Variants in ATP6V1B1 observed in about 807,000 individuals in gnomAD.
ATP6V1B1 encodes V-type proton ATPase subunit B, kidney isoform.
ATP6V1B1 carries 41 observed loss-of-function variants against 62.1 expected under a neutral mutation model. The ratio of observed to expected loss-of-function variants is 0.66; its 90% CI spans 0.51 to 0.86. The LOEUF (loss-of-function observed/expected upper bound fraction) is 0.86, where lower values mean the gene tolerates loss of function less well. Among genes scored for constraint, ATP6V1B1 ranks in the 40% least tolerant of loss-of-function variants. The probability of loss-of-function intolerance (pLI) is 0.00; values close to 1 mark genes in which losing one functional copy is unlikely to be tolerated. For missense variants in ATP6V1B1, 651 were observed against 697.5 expected, an observed-to-expected ratio of 0.93 and a Z score of 0.75; for synonymous variants, 253 against 273.4, an observed-to-expected ratio of 0.93 and a Z score of 0.74.
intron 2 of ATP6V1B1, among the ~76,000 whole-genome samples, chr2:70,952,746 G>C (rs890872752): frequency 6.6e-6 from 1 of 152,082 alleles, no homozygotes; most frequent in Non-Finnish European, 1.5e-5. Context: ...TTGATCTATA[G>C]TTTTCCTTTT....
intron 1 of ATP6V1B1, chr2:70,938,796 G>A: frequency 7.1e-6 from 7 of 985,336 alleles, no homozygotes; most frequent in Non-Finnish European, 8.4e-6. Flanking sequence ...GGCTTGGAGG[G>A]TGGAGGTGCC....
chr2:70,944,801 T>C (rs1368359002), intron 2 of ATP6V1B1, among the ~76,000 whole-genome samples: 4 of 152,004 alleles, frequency 2.6e-5, no homozygotes, highest in Non-Finnish European at 4.4e-5. Context: ...CCCGAGTAGC[T>C]GGGACTACAG....
In ATP6V1B1 at chr2:70,963,532, G is replaced by C; in HGVS notation, c.1061-40G>C. 1 of 1,597,766 alleles carries C rather than the reference G, an allele frequency of 6.3e-7. No homozygotes were observed. Among genetic ancestry groups the C allele is most frequent in the Non-Finnish European group, 8.6e-7 (1 of 1,165,236 alleles). On this transcript the variant is annotated intron_variant, in intron 10 of 13. Transcript: ENST00000234396. This position sits in a 1 kb window ranked among gnomAD's most constrained non-coding sequence, Gnocchi z 4.3. Reference sequence around the variant, plus strand: ...GGTGGCCCTGAGTGGTTGGAGACCTGGGCCCCCACCCACACTGAGGCCAGT... The same window carrying C: ...GGTGGCCCTGAGTGGTTGGAGACCTCGGCCCCCACCCACACTGAGGCCAGT...
chr2:70,938,214 C>T (rs1679904884), intron 1 of ATP6V1B1, among the ~76,000 whole-genome samples: 6 of 152,160 alleles, frequency 3.9e-5, no homozygotes. Context: ...CAATCCCCTC[C>T]CCGCCTCACT....
Position 70,944,668 on chromosome 2 carries a change from CTT to C in ATP6V1B1, c.174+972_174+973del, listed in dbSNP as rs36039112. ...AGTGCCCTCAGCTTACAGGTCTTTT[CTT>C]TTTTTTTTTTTTTTTTGAGACGGAG... On this transcript the variant is annotated intron_variant, in intron 2 of 13. Coordinates refer to ENST00000234396, the MANE Select transcript of ATP6V1B1 (RefSeq NM_001692.4). Among the ~76,000 whole-genome samples, 953 of 129,322 alleles carry C rather than the reference CTT, an allele frequency of 7.4e-3. 3 individuals are homozygous for C. Among genetic ancestry groups the C allele is most frequent in the South Asian group, 0.012 (45 of 3,882 alleles). The allele number at this position is 129,322 out of a possible 152,430, so 84.8% of individuals were successfully genotyped here. A position where few individuals can be genotyped will look rare whatever the true frequency, so the allele number is the denominator to read the frequency against.
chr2:70,962,691 C>G lies in ATP6V1B1; in HGVS notation c.786-86C>G, dbSNP rs569292703. 8.2e-6 allele frequency: 13 copies of G among 1,590,828 alleles called. No homozygotes were observed. The East Asian group carries it at 2.5e-4, about 30-fold the overall frequency. On this transcript the variant is annotated intron_variant, in intron 8 of 13. Transcript: ENST00000234396. ...TGCCACTATGCACAACACCAGCTTC[C>G]CAGTTCACCTTGCGCTCAGCCCCCA...
Position 70,935,968 on chromosome 2 carries a change from TAGAC to T in ATP6V1B1, c.17_20del (p.Asp6AlafsTer13). On this transcript the variant is annotated frameshift_variant, in exon 1 of 14. Transcript: ENST00000234396. LOFTEE classifies it high-confidence loss of function. ...GGGGACTGCTCCATGGCCATGGAGATAGACAGCAGGCCTGGGGGGCTCCCCGGCA... is the reference window on the plus strand; with the variant it reads ...GGGGACTGCTCCATGGCCATGGAGATAGCAGGCCTGGGGGGCTCCCCGGCA... The T allele has an allele frequency of 1.2e-6, 2 of 1,613,624 alleles. No homozygotes were observed. Among genetic ancestry groups the T allele is most frequent in the Non-Finnish European group, 1.7e-6 (2 of 1,179,792 alleles).
chr2:70,964,683 T>C (rs1321807913), intron 12 of ATP6V1B1, 53 bp from the exon 13 acceptor site: 2 of 1,612,760 alleles, frequency 1.2e-6, no homozygotes, highest in Non-Finnish European at 8.5e-7. Context: ...TGGGGGCTAC[T>C]GGACTCCCGT....
Position 70,963,779 on chromosome 2 carries a change from C to A in ATP6V1B1, c.1143+125C>A. ...AAAGCGAACCCCAAACAGGAGACAG[C>A]CACAGGGAAGACTGCATGGTTCACA... is the stretch of plus-strand genomic sequence containing the variant. On this transcript the variant is annotated intron_variant, in intron 11 of 13. Transcript: ENST00000234396. This position sits in a 1 kb window ranked among gnomAD's most constrained non-coding sequence, Gnocchi z 4.3. 1 of 1,025,776 alleles carries A rather than the reference C, an allele frequency of 9.7e-7. No individual in the cohort carries two copies. Among genetic ancestry groups the A allele is most frequent in the Non-Finnish European group, 1.5e-6 (1 of 666,202 alleles). 63.5% of individuals were successfully genotyped at this position (1,025,776 alleles called of 1,614,324 possible).
chr2:70,955,646 C>T (rs557065518), intron 2 of ATP6V1B1, among the ~76,000 whole-genome samples: 4 of 152,066 alleles, frequency 2.6e-5, no homozygotes, highest in African/African-American at 9.7e-5. Flanking sequence ...CATGTTGCGG[C>T]ATCTATCAGT....
At chr2:70,952,141 T>G (rs1343578986) in intron 2 of ATP6V1B1, among the ~76,000 whole-genome samples, 2 of 152,064 alleles carry the variant, frequency 1.3e-5, no homozygotes, top group African/African-American at 4.8e-5. Flanking sequence ...TTGCCTTCCA[T>G]TCCTGTTTTA....
In ATP6V1B1 at chr2:70,964,945, G is replaced by T. The variant is rs1553420793; in HGVS notation, c.1379-13G>T. ...ACACACATTCCTAACACTCCCTCCC[G>T]CTCTGTCCCTAGGCCCCTACGAGAA... On this transcript the variant is annotated splice_polypyrimidine_tract_variant and intron_variant, in intron 13 of 13. Transcript: ENST00000234396. 1 of 1,613,752 alleles carries T rather than the reference G, an allele frequency of 6.2e-7. No homozygotes were observed. The highest frequency in any genetic ancestry group is 1.3e-5 in the African/African-American group (1 of 74,910).
chr2:70,945,701 GATAT>G (rs35710919), intron 2 of ATP6V1B1, among the ~76,000 whole-genome samples: 3,802 of 82,734 alleles, frequency 0.046, 100 homozygotes, highest in East Asian at 0.061. Flanking sequence ...TATTTGAAGA[GATAT>G]ATATATATAT....
intron 2 of ATP6V1B1, among the ~76,000 whole-genome samples, chr2:70,954,727 C>G (rs1389715608): frequency 3.9e-5 from 6 of 152,162 alleles, no homozygotes; most frequent in African/African-American, 1.4e-4. Context: ...AAGTGATCCT[C>G]TCACCTCAGC....
chr2:70,943,355 A>G, intron 1 of ATP6V1B1: 1 of 563,566 alleles, frequency 1.8e-6, no homozygotes, highest in Non-Finnish European at 3.2e-6. Flanking sequence ...GGTTGAAGCC[A>G]GAGGGGAAGC....
chr2:70,948,588 G>T (rs575548569), intron 2 of ATP6V1B1: 1 of 153,366 alleles, frequency 6.5e-6, no homozygotes, highest in Non-Finnish European at 1.5e-5. Flanking sequence ...TGTGTTCCAC[G>T]CGTTTCCCAG....
Position 70,964,823 on chromosome 2 carries a change from C to T in ATP6V1B1, c.1336C>T (p.Leu446=). 1 of 1,614,066 alleles carries T rather than the reference C, an allele frequency of 6.2e-7. No individual in the cohort carries two copies. Among genetic ancestry groups the T allele is most frequent in the Non-Finnish European group, 8.5e-7 (1 of 1,180,044 alleles). ...GCTCACCTCTGAGGACCTGCTCTAC[C>T]TGGAATTCCTGCAGAAGTTTGAGAA... ...EALTSEDLLY[L]EFLQKFEKNF... is the part of the protein sequence containing the mutation. The change falls in exon 13 of 14, where the codon CTG becomes TTG. Residue 446 remains leucine (L), a synonymous_variant. Transcript: ENST00000234396.
At chr2:70,953,933 T>C (rs1680375462) in intron 2 of ATP6V1B1, among the ~76,000 whole-genome samples, 1 of 152,232 alleles carries the variant, frequency 6.6e-6, no homozygotes, top group African/African-American at 2.4e-5. Context: ...ATGTGTTGCA[T>C]AAAATTGTTC....
At chr2:70,937,768 C>T (rs1184152821) in intron 1 of ATP6V1B1, among the ~76,000 whole-genome samples, 4 of 152,006 alleles carry the variant, frequency 2.6e-5, no homozygotes, top group African/African-American at 9.7e-5. Context: ...TCCTGATACC[C>T]AGGGACCCTA....
Sources: allele counts gnomAD v4.1 joint callset (sites outside exome capture counted in the v4.1 genomes callset), GRCh38; gene constraint gnomAD v4.1.1; non-coding constraint Gnocchi (gnomAD v3.1); transcripts MANE v1.5; gene names NCBI Gene and HGNC (gene_info 2026-07-23, HGNC 2026-07-21).